The following SEMA3E variants were observed in gnomAD, a reference collection of about 807,000 sequenced individuals.
The protein encoded by SEMA3E is semaphorin 3E, also known as semaphorin-3E.
In SEMA3E, 49 loss-of-function variants were observed where a neutral mutation model predicts 93.6. That is an observed-to-expected ratio of 0.52 (90% CI 0.42 to 0.66). SEMA3E has a LOEUF of 0.66. Among genes scored for constraint, SEMA3E ranks in the 30% least tolerant of loss-of-function variants. SEMA3E has a pLI of 0.00. For synonymous variants in SEMA3E, 363 were observed against 330.7 expected, an observed-to-expected ratio of 1.10 and a Z score of -1.06; for missense variants, 906 against 964.8, an observed-to-expected ratio of 0.94 and a Z score of 0.81.
At chr7:83,472,816 T>C (rs1162626542) in intron 2 of SEMA3E, among the ~76,000 whole-genome samples, 1 of 152,186 alleles carries the variant, frequency 6.6e-6, no homozygotes, top group Non-Finnish European at 1.5e-5. Context: ...AATTGAATCA[T>C]GGAGGCCGTT....
intron 1 of SEMA3E, among the ~76,000 whole-genome samples, chr7:83,589,008 C>T (rs1792696122): frequency 6.6e-6 from 1 of 152,130 alleles, no homozygotes; most frequent in Admixed American, 6.5e-5. Context: ...CTGGACTGCT[C>T]ACTAAGCTGA....
chr7:83,401,594 T>C (rs1423586605), intron 10 of SEMA3E, among the ~76,000 whole-genome samples: 1 of 152,070 alleles, frequency 6.6e-6, no homozygotes, highest in East Asian at 1.9e-4. Flanking sequence ...TTTCAATCAA[T>C]AGAGTGAAAT....
At chr7:83,401,964 G>A (rs1788241229) in intron 10 of SEMA3E, among the ~76,000 whole-genome samples, 1 of 151,974 alleles carries the variant, frequency 6.6e-6, no homozygotes, top group African/African-American at 2.4e-5. Flanking sequence ...ATCAGTTTTA[G>A]CCATGTGTGC....
At chr7:83,609,131 C>T (rs868534391) in intron 1 of SEMA3E, among the ~76,000 whole-genome samples, 10 of 151,974 alleles carry the variant, frequency 6.6e-5, no homozygotes, top group African/African-American at 2.4e-4. Flanking sequence ...GTTTTAACCT[C>T]TACTGTATAT....
At chr7:83,615,247 T>G (rs1793339945) in intron 1 of SEMA3E, among the ~76,000 whole-genome samples, 1 of 152,142 alleles carries the variant, frequency 6.6e-6, no homozygotes, top group Non-Finnish European at 1.5e-5. Flanking sequence ...TTGTTATCCT[T>G]AGTTGGAGAT....
At chr7:83,505,291 A>C (rs2115619645) in intron 1 of SEMA3E, among the ~76,000 whole-genome samples, 1 of 152,296 alleles carries the variant, frequency 6.6e-6, no homozygotes, top group South Asian at 2.1e-4. Flanking sequence ...AAACAAATAA[A>C]TGAATAAAAA....
chr7:83,535,900 T>C (rs1225883981), intron 1 of SEMA3E, among the ~76,000 whole-genome samples: 1 of 152,116 alleles, frequency 6.6e-6, no homozygotes, highest in Non-Finnish European at 1.5e-5. Context: ...CCAAAAAGAA[T>C]GGTTAGGTGT....
intron 16 of SEMA3E, among the ~76,000 whole-genome samples, chr7:83,369,465 G>C (rs1000811340): frequency 1.3e-5 from 2 of 152,160 alleles, no homozygotes; most frequent in African/African-American, 4.8e-5. Context: ...AAGTTATGTG[G>C]TGCCCCAAAG....
Position 83,648,500 on chromosome 7 carries a change from A to G in SEMA3E, c.43T>C (p.Tyr15His), listed in dbSNP as rs929326497. ...GHIITLLLWGYLLELWTGGHT... is the reference protein window; with the variant it reads ...GHIITLLLWGHLLELWTGGHT... Reference sequence around the variant, plus strand: ...CCTCCTGTCCAAAGCTCCAGTAAGTAACCCCACAGGAGCAAGGTGATAATG... The same window carrying G: ...CCTCCTGTCCAAAGCTCCAGTAAGTGACCCCACAGGAGCAAGGTGATAATG... The change falls in exon 1 of 17, where the codon TAC becomes CAC. Residue 15 changes from tyrosine (Y) to histidine (H), a missense_variant. By Grantham distance (83) the Tyr-to-His change is moderately conservative. Coordinates refer to ENST00000643230, the MANE Select transcript of SEMA3E (RefSeq NM_012431.3). 2 of 1,613,234 alleles carry G rather than the reference A, an allele frequency of 1.2e-6. No individual in the cohort carries two copies. The highest frequency in any genetic ancestry group is 2.7e-5 in the African/African-American group (2 of 74,626).
chr7:83,622,409 G>T (rs1793582170), intron 1 of SEMA3E, among the ~76,000 whole-genome samples: 1 of 152,192 alleles, frequency 6.6e-6, no homozygotes, highest in Non-Finnish European at 1.5e-5. Context: ...ATTCATTGTG[G>T]AACACAGTGT....
chr7:83,532,352 A>C (rs1791319542), intron 1 of SEMA3E, among the ~76,000 whole-genome samples: 1 of 152,168 alleles, frequency 6.6e-6, no homozygotes, highest in African/African-American at 2.4e-5. Flanking sequence ...TTTAATATTT[A>C]TTTCCCTTAC....
intron 1 of SEMA3E, among the ~76,000 whole-genome samples, chr7:83,604,465 TAAC>T (rs945295412): frequency 6.7e-6 from 1 of 149,976 alleles, no homozygotes; most frequent in African/African-American, 2.4e-5. Flanking sequence ...ATTTTAAAAT[TAAC>T]AATTTTAAAA....
rs56867715 is a variant in SEMA3E at position 83,363,860 on chromosome 7, ATTT to A, written c.*3723_*3725del. On this transcript the variant is annotated 3_prime_UTR_variant, in exon 17 of 17. Coordinates refer to ENST00000643230, the MANE Select transcript of SEMA3E (RefSeq NM_012431.3). ...GGCTACAGGTGTCACAGGTCAATTC[ATTT>A]TTTTTTTTTTTTTTTTTTTTTTTTT... 24 of 76,972 alleles carry A rather than the reference ATTT, an allele frequency of 3.1e-4. 1 individual carries two copies. The highest frequency in any genetic ancestry group is 1.2e-3 in the African/African-American group (24 of 20,116). The allele number at this position is 76,972 out of a possible 1,614,324, so 4.8% of individuals were successfully genotyped here. A position where few individuals can be genotyped will look rare whatever the true frequency, so the allele number is the denominator to read the frequency against.
intron 1 of SEMA3E, among the ~76,000 whole-genome samples, chr7:83,543,053 G>A (rs1216543729): frequency 6.6e-6 from 1 of 151,978 alleles, no homozygotes; most frequent in Non-Finnish European, 1.5e-5. Flanking sequence ...GTTAATATGG[G>A]CCTCAGTTTT....
chr7:83,560,826 T>A (rs1792016756), intron 1 of SEMA3E, among the ~76,000 whole-genome samples: 1 of 152,008 alleles, frequency 6.6e-6, no homozygotes, highest in Non-Finnish European at 1.5e-5. Flanking sequence ...GAGTATAGGT[T>A]ATCATACTTA....
intron 9 of SEMA3E, among the ~76,000 whole-genome samples, chr7:83,403,739 C>T (rs1046501514): frequency 1.3e-5 from 2 of 151,830 alleles, no homozygotes; most frequent in East Asian, 1.9e-4. Flanking sequence ...CTGTCCTACA[C>T]CCCCAATTTA....
At chr7:83,387,839 G>GTTATATATATATAACA (rs1562756819) in intron 14 of SEMA3E, among the ~76,000 whole-genome samples, 69 of 139,926 alleles carry the variant, frequency 4.9e-4, no homozygotes, top group East Asian at 1.4e-3. Flanking sequence ...TATATATAAC[G>GTTATATATATATAACA]TTATATATAT....
chr7:83,391,396 G>A, intron 14 of SEMA3E, among the ~76,000 whole-genome samples: 1 of 152,046 alleles, frequency 6.6e-6, no homozygotes, highest in East Asian at 1.9e-4. Context: ...CTGGCACATA[G>A]TACAGTAATT....
chr7:83,447,749 A>G (rs2115807603), intron 4 of SEMA3E, among the ~76,000 whole-genome samples: 1 of 152,354 alleles, frequency 6.6e-6, no homozygotes, highest in East Asian at 1.9e-4. Context: ...GCTGGAGACG[A>G]TAGGCCAGTA....
Sources: gnomAD v4.1 joint callset for allele counts (sites outside exome capture counted in the v4.1 genomes callset) on GRCh38, gnomAD v4.1.1 for gene constraint, MANE v1.5 for transcripts, NCBI Gene and HGNC (gene_info 2026-07-23, HGNC 2026-07-21) for gene names.